Variants in ARFIP1 observed in about 807,000 individuals in gnomAD.
ARFIP1 encodes the protein ARF interacting protein 1.
Under a neutral mutation model 42.5 loss-of-function variants are expected in ARFIP1, and 24 were observed. The ratio of observed to expected loss-of-function variants is 0.57; its 90% CI spans 0.41 to 0.80. ARFIP1 has a LOEUF of 0.80. Among genes scored for constraint, ARFIP1 ranks in the 30% least tolerant of loss-of-function variants. The pLI is 0.00. For synonymous variants in ARFIP1, 141 were observed against 153.7 expected (o/e 0.92, Z 0.61); for missense variants, 354 against 434.0 (o/e 0.82, Z 1.64).
chr4:152,860,734 C>G (rs955884927), intron 2 of ARFIP1, among the ~76,000 whole-genome samples: 1 of 152,102 alleles, frequency 6.6e-6, no homozygotes, highest in Non-Finnish European at 1.5e-5. Flanking sequence ...ATAAATTAGT[C>G]ACTAACTGGA....
At chr4:152,884,794 A>C (rs1736133466) in intron 7 of ARFIP1, among the ~76,000 whole-genome samples, 2 of 152,122 alleles carry the variant, frequency 1.3e-5, no homozygotes, top group Admixed American at 1.3e-4. Flanking sequence ...TTTTATCAGT[A>C]GGCCTTATAC....
intron 2 of ARFIP1, among the ~76,000 whole-genome samples, chr4:152,849,960 TAA>T (rs1732852507): frequency 6.6e-6 from 1 of 151,710 alleles, no homozygotes; most frequent in Non-Finnish European, 1.5e-5. Flanking sequence ...TGGGTTATAC[TAA>T]GTCTAAAATG....
chr4:152,882,194 T>C (rs1735897550), intron 6 of ARFIP1, among the ~76,000 whole-genome samples: 1 of 152,152 alleles, frequency 6.6e-6, no homozygotes, highest in Non-Finnish European at 1.5e-5. Context: ...CCTTCCTCAG[T>C]TGTGTGCCTA....
intron 8 of ARFIP1, among the ~76,000 whole-genome samples, chr4:152,894,366 G>A (rs572742994): frequency 1.6e-4 from 25 of 152,236 alleles, no homozygotes; most frequent in African/African-American, 5.8e-4. Context: ...TTAAAAAATA[G>A]ATACTTGTTG....
At chr4:152,850,051 C>T (rs1344257982) in intron 2 of ARFIP1, among the ~76,000 whole-genome samples, 3 of 152,204 alleles carry the variant, frequency 2.0e-5, no homozygotes, top group Non-Finnish European at 4.4e-5. Flanking sequence ...ACCAATTTTA[C>T]GCATTTCTGC....
chr4:152,859,059 T>TTTTTTG (rs1197505772), intron 2 of ARFIP1, among the ~76,000 whole-genome samples: 5 of 152,058 alleles, frequency 3.3e-5, no homozygotes, highest in Non-Finnish European at 7.4e-5. Context: ...CTCTTTTTTG[T>TTTTTTG]TTTTTGTTTT....
intron 8 of ARFIP1, among the ~76,000 whole-genome samples, chr4:152,903,572 G>A (rs981967160): frequency 3.3e-5 from 5 of 151,850 alleles, no homozygotes; most frequent in African/African-American, 1.2e-4. Context: ...GATCTGATGT[G>A]CATGTATACT....
intron 1 of ARFIP1, among the ~76,000 whole-genome samples, chr4:152,780,548 T>C (rs944328423): frequency 5.3e-5 from 8 of 152,290 alleles, no homozygotes; most frequent in African/African-American, 9.6e-5. Context: ...CTTGACAAAG[T>C]GTCGGAGTGG....
chr4:152,809,990 T>C (rs1259093573), intron 1 of ARFIP1: 2 of 152,196 alleles, frequency 1.3e-5, no homozygotes, highest in African/African-American at 2.4e-5. Flanking sequence ...CATGATTTGA[T>C]TGTTGCTTTG....
intron 1 of ARFIP1, among the ~76,000 whole-genome samples, chr4:152,782,724 G>A (rs1416477605): frequency 6.6e-6 from 1 of 152,104 alleles, no homozygotes; most frequent in African/African-American, 2.4e-5. Context: ...CCTCCATTCT[G>A]TATGAGATAT....
chr4:152,781,196 C>T (rs1730464760), intron 1 of ARFIP1, among the ~76,000 whole-genome samples: 1 of 151,184 alleles, frequency 6.6e-6, no homozygotes. Flanking sequence ...TTAAGTCAGC[C>T]GTCTGTTAAG....
intron 5 of ARFIP1, among the ~76,000 whole-genome samples, chr4:152,873,765 A>G (rs1735091596): frequency 6.6e-6 from 1 of 152,190 alleles, no homozygotes; most frequent in South Asian, 2.1e-4. Context: ...ATTCGCTAAG[A>G]CTACATGTTC....
intron 8 of ARFIP1, among the ~76,000 whole-genome samples, chr4:152,889,409 A>G (rs1008250547): frequency 1.3e-5 from 2 of 149,270 alleles, no homozygotes; most frequent in African/African-American, 2.5e-5. Context: ...CAGAGTTGTT[A>G]GAAAAATTGC....
chr4:152,837,139 A>G (rs1731717162), intron 2 of ARFIP1, among the ~76,000 whole-genome samples: 1 of 152,176 alleles, frequency 6.6e-6, no homozygotes, highest in Non-Finnish European at 1.5e-5. Context: ...GTAATATTGC[A>G]TCATATATAT....
At chr4:152,781,384 C>T (rs1317530487) in intron 1 of ARFIP1, among the ~76,000 whole-genome samples, 2 of 151,926 alleles carry the variant, frequency 1.3e-5, no homozygotes, top group Non-Finnish European at 2.9e-5. Context: ...TACAGGTAGG[C>T]GCCACTACCG....
chr4:152,781,715 G>C (rs1730508861), intron 1 of ARFIP1, among the ~76,000 whole-genome samples: 1 of 152,206 alleles, frequency 6.6e-6, no homozygotes, highest in East Asian at 1.9e-4. Context: ...TCTGAGAAAA[G>C]AGAAAAGATT....
rs145933560 is a variant in ARFIP1 at position 152,783,083 on chromosome 4, C to T, written c.-10+2857C>T. Among the ~76,000 whole-genome samples the T allele has an allele frequency of 8.5e-3, 1,291 of 152,172 alleles. 19 individuals carry two copies. Among genetic ancestry groups the T allele is most frequent in the African/African-American group, 0.028 (1,177 of 41,520 alleles). Reference sequence around the variant, plus strand: ...ATCCCAACACTTTGGGAGGCTGTGGCGGGTGGATCACTTGATGTCAGGAGT... The same window carrying T: ...ATCCCAACACTTTGGGAGGCTGTGGTGGGTGGATCACTTGATGTCAGGAGT... On this transcript the variant is annotated intron_variant, in intron 1 of 8. Transcript: ENST00000353617.
chr4:152,910,100 A>G lies in ARFIP1; in HGVS notation c.1003A>G (p.Asn335Asp). 1 of 1,614,208 alleles carries G rather than the reference A, an allele frequency of 6.2e-7. No individual in the cohort carries two copies. The highest frequency in any genetic ancestry group is 8.5e-7 in the Non-Finnish European group (1 of 1,180,026). The stretch of plus-strand genomic sequence containing the variant: ...GCACAATCAGCTGGTCCTTTTCCAC[A>G]ATGCCATTGCCGCTTACTTTGCTGG... ...VLHNQLVLFH[N>D]AIAAYFAGNQ... The change falls in exon 9 of 9, where the codon AAT becomes GAT. Residue 335 changes from asparagine to aspartate, a missense_variant. Asn to Asp is a conservative substitution (Grantham distance 23). Transcript: ENST00000353617.
chr4:152,864,034 A>G (rs540044203), intron 3 of ARFIP1, among the ~76,000 whole-genome samples: 3 of 152,342 alleles, frequency 2.0e-5, no homozygotes, highest in South Asian at 2.1e-4. Context: ...TTATAAATCA[A>G]TGTTGATTTT....
Sources: allele counts gnomAD v4.1 joint callset (sites outside exome capture counted in the v4.1 genomes callset), GRCh38; gene constraint gnomAD v4.1.1; transcripts MANE v1.5; gene names NCBI Gene and HGNC (gene_info 2026-07-23, HGNC 2026-07-21).